EML4: variants seen among roughly 807,000 people sequenced by gnomAD.
The protein encoded by EML4 is echinoderm microtubule-associated protein-like 4.
Under a neutral mutation model 129.0 loss-of-function variants are expected in EML4, and 72 were observed. The observed-to-expected ratio is 0.56, with a 90% CI of 0.46 to 0.68. The LOEUF (loss-of-function observed/expected upper bound fraction) is 0.68, where lower values mean the gene tolerates loss of function less well. EML4 is among the 30% of genes least tolerant of loss of function. EML4 has a pLI of 0.00. For missense variants in EML4, 1,363 were observed against 1,190.6 expected, an observed-to-expected ratio of 1.14 and a Z score of -2.13; for synonymous variants, 532 against 405.0, an observed-to-expected ratio of 1.31 and a Z score of -3.77.
intron 3 of EML4, among the ~76,000 whole-genome samples, chr2:42,260,572 T>C (rs948914289): frequency 5.3e-5 from 8 of 152,224 alleles, no homozygotes; most frequent in Admixed American, 3.9e-4. Context: ...TTAGTTTTCA[T>C]AGAAATTGCA....
At chr2:42,187,676 TA>T (rs1553359621) in intron 1 of EML4, among the ~76,000 whole-genome samples, 2 of 151,938 alleles carry the variant, frequency 1.3e-5, no homozygotes, top group African/African-American at 4.8e-5. Context: ...TCATTTTTTT[TA>T]AAAAAAAATG....
chr2:42,200,740 G>A (rs1235119536), intron 1 of EML4, among the ~76,000 whole-genome samples: 2 of 151,944 alleles, frequency 1.3e-5, no homozygotes, highest in African/African-American at 4.8e-5. Flanking sequence ...TATCTTTTTT[G>A]GCATTTTTAA....
At chr2:42,181,343 G>C (rs62144745) in intron 1 of EML4, among the ~76,000 whole-genome samples, 20,100 of 152,034 alleles carry the variant, frequency 0.13, 1,324 homozygotes, top group East Asian at 0.18. Flanking sequence ...CTATTGCCCA[G>C]ACTGGAGTGC....
chr2:42,210,285 T>C (rs1216747057), intron 1 of EML4, among the ~76,000 whole-genome samples: 1 of 152,176 alleles, frequency 6.6e-6, no homozygotes, highest in Non-Finnish European at 1.5e-5. Context: ...TACTGGTATA[T>C]TGTAGCAGCT....
chr2:42,212,496 A>T (rs1370238972), intron 1 of EML4, among the ~76,000 whole-genome samples: 1 of 152,240 alleles, frequency 6.6e-6, no homozygotes, highest in East Asian at 1.9e-4. Flanking sequence ...TTAGCAATAC[A>T]TGTTTCATTG....
intron 5 of EML4, among the ~76,000 whole-genome samples, chr2:42,264,111 T>TTTG: frequency 7.1e-6 from 1 of 141,572 alleles, no homozygotes. Context: ...GTGTTTTTTT[T>TTTG]TTTTTTTTTT....
At chr2:42,253,483 A>G (rs1675918822) in intron 2 of EML4, among the ~76,000 whole-genome samples, 1 of 152,212 alleles carries the variant, frequency 6.6e-6, no homozygotes, top group South Asian at 2.1e-4. Flanking sequence ...GTGGCATTAA[A>G]TTTAAAGATA....
At chr2:42,203,264 A>G (rs1300859936) in intron 1 of EML4, among the ~76,000 whole-genome samples, 1 of 152,234 alleles carries the variant, frequency 6.6e-6, no homozygotes, top group Non-Finnish European at 1.5e-5. Flanking sequence ...TTCCATGAGT[A>G]TATGAAGGTA....
At chr2:42,198,942 G>T (rs1287337959) in intron 1 of EML4, among the ~76,000 whole-genome samples, 1 of 152,232 alleles carries the variant, frequency 6.6e-6, no homozygotes, top group African/African-American at 2.4e-5. Flanking sequence ...CTTGACAAAG[G>T]AGAGTGGTTT....
In EML4 at chr2:42,325,522, T is replaced by C. The variant is rs1167424561; in HGVS notation, c.2210T>C (p.Met737Thr). ...TGGTCCCCAGACAACAAGTATATAA[T>C]GTCTAACTCGGGAGACTATGAAATA... Reference protein sequence around the residue: ...LDWSPDNKYIMSNSGDYEILY... With the variant: ...LDWSPDNKYITSNSGDYEILY... The change falls in exon 20 of 23, where the codon ATG becomes ACG. Residue 737 changes from methionine (M) to threonine (T), a missense_variant. Transcript: ENST00000318522. The C allele has an allele frequency of 6.4e-7, 1 of 1,565,650 alleles. No individual in the cohort carries two copies. The highest frequency in any genetic ancestry group is 8.7e-7 in the Non-Finnish European group (1 of 1,144,872).
chr2:42,208,595 G>A (rs759032092), intron 1 of EML4, among the ~76,000 whole-genome samples: 9 of 151,368 alleles, frequency 5.9e-5, no homozygotes, highest in Non-Finnish European at 8.9e-5. Context: ...CACCGCACCC[G>A]GCTAATTTTT....
rs540059998 is a variant in EML4, at chr2:42,308,574, C to T, written c.1967+4023C>T. Among the ~76,000 whole-genome samples, 5 of 151,922 alleles carry T rather than the reference C, an allele frequency of 3.3e-5. No homozygotes were observed. The East Asian group carries it at 9.6e-4, about 29-fold the overall frequency. ...TTTGTTGAGATATAATTCACATAAC[C>T]CCCCCAAAAAAGAAATAAAAAATAA... On this transcript the variant is annotated intron_variant, in intron 17 of 22. Coordinates refer to ENST00000318522, the MANE Select transcript of EML4 (RefSeq NM_019063.5).
Position 42,329,966 on chromosome 2 carries a change from C to G in EML4, c.2705C>G (p.Pro902Arg). 6.2e-7 allele frequency: 1 copy of G among 1,614,038 alleles called. No homozygotes were observed. The change falls in exon 23 of 23, where the codon CCT becomes CGT. Residue 902 changes from proline to arginine, a missense_variant. Pro to Arg is a moderately radical substitution (Grantham distance 103, BLOSUM62 -2). Coordinates refer to ENST00000318522, the MANE Select transcript of EML4 (RefSeq NM_019063.5). ...VIQSNTPTPP[P>R]SQPLNETAEE... The stretch of plus-strand genomic sequence containing the variant: ...CAATCTAATACTCCCACACCGCCTC[C>G]TTCTCAGCCCTTAAATGAGACAGCT...
intron 6 of EML4, among the ~76,000 whole-genome samples, chr2:42,278,936 GAAAAA>G (rs35126751): frequency 6.7e-6 from 1 of 148,562 alleles, no homozygotes; most frequent in African/African-American, 2.5e-5. Flanking sequence ...AACTCTCTTG[GAAAAA>G]AAAAAAATGT....
intron 1 of EML4, among the ~76,000 whole-genome samples, chr2:42,210,462 T>A (rs139198691): frequency 3.3e-5 from 5 of 152,338 alleles, no homozygotes; most frequent in Admixed American, 6.5e-5. Flanking sequence ...ACTGAGGTAC[T>A]GTTTGTTAGG....
chr2:42,174,394 G>A (rs1440232748), intron 1 of EML4, among the ~76,000 whole-genome samples: 1 of 151,838 alleles, frequency 6.6e-6, no homozygotes, highest in Non-Finnish European at 1.5e-5. Context: ...GGGTTCAAGC[G>A]ATTCTCCTGC....
At chr2:42,217,496 A>G (rs1270612180) in intron 1 of EML4, among the ~76,000 whole-genome samples, 1 of 152,206 alleles carries the variant, frequency 6.6e-6, no homozygotes, top group Non-Finnish European at 1.5e-5. Flanking sequence ...TTCATTTAGT[A>G]ACTTCAGATA....
At chr2:42,271,615 A>G (rs776503967) in intron 6 of EML4, among the ~76,000 whole-genome samples, 4 of 152,226 alleles carry the variant, frequency 2.6e-5, no homozygotes, top group Admixed American at 6.5e-5. Context: ...GACATCAAGT[A>G]TATGACTTCA....
intron 6 of EML4, among the ~76,000 whole-genome samples, chr2:42,278,533 G>A (rs916484912): frequency 7.6e-6 from 1 of 131,664 alleles, no homozygotes; most frequent in African/African-American, 2.9e-5. Context: ...GAGCTCATGC[G>A]ACTGCACTCC....
Sources: gnomAD v4.1 joint callset for allele counts (sites outside exome capture counted in the v4.1 genomes callset) on GRCh38, gnomAD v4.1.1 for gene constraint, MANE v1.5 for transcripts, NCBI Gene and HGNC (gene_info 2026-07-23, HGNC 2026-07-21) for gene names.